The following CEP55 variants were observed in gnomAD, a reference collection of about 807,000 sequenced individuals.
CEP55 encodes centrosomal protein 55.
Under a neutral mutation model 63.2 loss-of-function variants are expected in CEP55, and 57 were observed. The ratio of observed to expected loss-of-function variants is 0.90; its 90% CI spans 0.73 to 1.13. CEP55 has a LOEUF of 1.13. Ranked by LOEUF, CEP55 falls within the 50% of genes most tolerant of loss-of-function variation. The pLI is 0.00. For synonymous variants in CEP55, 178 were observed against 191.6 expected (o/e 0.93, Z 0.59); for missense variants, 456 against 518.9 (o/e 0.88, Z 1.18).
chr10:93,505,362 C>G (rs890927546), intron 3 of CEP55, among the ~76,000 whole-genome samples: 4 of 152,150 alleles, frequency 2.6e-5, no homozygotes, highest in African/African-American at 9.7e-5. Context: ...TAGGGTCCCC[C>G]ACCAAGTCCT....
At position 93,527,956 on chromosome 10, in the gene CEP55, C is replaced by A. The variant is rs1354098772; in HGVS notation, c.1198C>A (p.Leu400Ile). 2.5e-6 allele frequency: 4 copies of A among 1,613,108 alleles called. No individual in the cohort carries two copies. The highest frequency in any genetic ancestry group is 3.4e-6 in the Non-Finnish European group (4 of 1,179,576). ...QITQLESLKQ[L>I]HEFAITEPLV... ...TTTGAAACTTATTTTTCAGAAACAG[C>A]TTCATGAGTTTGCCATCACAGAGCC... The change falls in exon 9 of 9, where the codon CTT (leucine) becomes ATT (isoleucine). Residue 400 changes from leucine (L) to isoleucine (I), a missense_variant. Transcript: ENST00000371485.
chr10:93,503,661 A>AT (rs927373456), intron 3 of CEP55, among the ~76,000 whole-genome samples: 1 of 151,978 alleles, frequency 6.6e-6, no homozygotes, highest in Non-Finnish European at 1.5e-5. Context: ...AATTACCAAG[A>AT]TTTTTTTTGA....
At chr10:93,518,352 G>T (rs1012914795) in intron 6 of CEP55, among the ~76,000 whole-genome samples, 3 of 152,034 alleles carry the variant, frequency 2.0e-5, no homozygotes, top group Non-Finnish European at 4.4e-5. Context: ...GTTTCACCAT[G>T]TTGGCCAGGC....
intron 6 of CEP55, among the ~76,000 whole-genome samples, chr10:93,517,635 C>T (rs561888633): frequency 2.0e-5 from 3 of 152,178 alleles, no homozygotes; most frequent in African/African-American, 4.8e-5. Context: ...TGAGAGGAAT[C>T]GAGGCTGATT....
At chr10:93,506,207 G>T (rs1161763709) in intron 3 of CEP55, among the ~76,000 whole-genome samples, 1 of 152,116 alleles carries the variant, frequency 6.6e-6, no homozygotes, top group African/African-American at 2.4e-5. Context: ...CTCCCAAAGT[G>T]TTGGGATTAT....
chr10:93,510,452 AC>A (rs1337737254), intron 4 of CEP55: 7 of 152,186 alleles, frequency 4.6e-5, no homozygotes, highest in Non-Finnish European at 8.8e-5. Flanking sequence ...TTAACATGTT[AC>A]CCCATTTTGC....
Position 93,516,944 on chromosome 10 carries a change from A to G in CEP55, c.689A>G (p.Gln230Arg). 6.3e-7 allele frequency: 1 copy of G among 1,577,980 alleles called. No homozygotes were observed. The highest frequency in any genetic ancestry group is 8.6e-7 in the Non-Finnish European group (1 of 1,159,844). Reference protein sequence around the residue: ...TKKPESEGYLQEEKQKCYNDL... With the variant: ...TKKPESEGYLREEKQKCYNDL... ...ATGTTGTTTGTCATAGGTTATCTTC[A>G]AGAAGAGAAGCAGAAATGTTACAAC... Residue 230 changes from glutamine to arginine, a missense_variant, in exon 6 of 9, where the codon CAA becomes CGA. Transcript: ENST00000371485.
chr10:93,500,262 G>C, intron 2 of CEP55, 28 bp downstream of exon 2: 2 of 1,560,756 alleles, frequency 1.3e-6, no homozygotes, highest in Non-Finnish European at 1.7e-6. Flanking sequence ...CCTTTAAATT[G>C]TAAGCTCTCC....
Position 93,529,050 on chromosome 10 carries a change from G to A in CEP55, c.*897G>A, listed in dbSNP as rs528288559. On this transcript the variant is annotated 3_prime_UTR_variant, in exon 9 of 9. Transcript: ENST00000371485. ...GGTTTTCTAACATGCTTACCACTGG[G>A]CTACTGTAAATGAGAAAAGAATAAA... 40 of 152,038 alleles carry A rather than the reference G, an allele frequency of 2.6e-4. No homozygotes were observed. Among genetic ancestry groups the A allele is most frequent in the African/African-American group, 9.2e-4 (38 of 41,480 alleles). 9.4% of individuals were successfully genotyped at this position (152,038 alleles called of 1,614,324 possible). A position where few individuals can be genotyped will look rare whatever the true frequency, so the allele number is the denominator to read the frequency against.
intron 7 of CEP55, among the ~76,000 whole-genome samples, chr10:93,519,325 A>G (rs1188861908): frequency 6.6e-6 from 1 of 152,212 alleles, no homozygotes; most frequent in Non-Finnish European, 1.5e-5. Context: ...AGAATGTATT[A>G]TAAATGGTGT....
intron 4 of CEP55, among the ~76,000 whole-genome samples, chr10:93,512,244 G>T (rs571223233): frequency 1.9e-3 from 94 of 49,038 alleles, no homozygotes; most frequent in African/African-American, 5.9e-3. Context: ...AAAAAAATTG[G>T]CCGGGCTCAG....
chr10:93,506,716 G>A (rs1041584149), intron 3 of CEP55, among the ~76,000 whole-genome samples: 5 of 152,006 alleles, frequency 3.3e-5, no homozygotes, highest in African/African-American at 9.7e-5. Flanking sequence ...TATAGGCACA[G>A]GCCACCAGGC....
intron 5 of CEP55, among the ~76,000 whole-genome samples, chr10:93,516,455 TTCTCTCTCTC>T (rs147558880): frequency 6.7e-6 from 1 of 149,656 alleles, no homozygotes; most frequent in Admixed American, 6.7e-5. Context: ...GGTAATACAG[TTCTCTCTCTC>T]TCTCTCTCTC....
At chr10:93,504,403 G>T (rs1203720559) in intron 3 of CEP55, among the ~76,000 whole-genome samples, 3 of 152,018 alleles carry the variant, frequency 2.0e-5, no homozygotes, top group Non-Finnish European at 4.4e-5. Flanking sequence ...AACCCGAAAG[G>T]TGGAGGTTGC....
chr10:93,504,508 A>T (rs1038163578), intron 3 of CEP55, among the ~76,000 whole-genome samples: 1 of 151,836 alleles, frequency 6.6e-6, no homozygotes, highest in African/African-American at 2.4e-5. Flanking sequence ...GAAAATCTGT[A>T]GCTTTCAAAT....
In CEP55 at chr10:93,528,052, G is replaced by C; in HGVS notation, c.1294G>C (p.Ala432Pro). ...CGCCTCACCAAAAAGTCCCACTGCT[G>C]CACTCAATGAAAGCCTGGTGGAATG... ...VAASPKSPTAALNESLVECPK... is the reference protein window; with the variant it reads ...VAASPKSPTAPLNESLVECPK... The change falls in exon 9 of 9, where the codon GCA becomes CCA. Residue 432 changes from alanine (A) to proline (P), a missense_variant. By Grantham distance (27) the Ala-to-Pro change is conservative (BLOSUM62 -1). Coordinates refer to ENST00000371485, the MANE Select transcript of CEP55 (RefSeq NM_018131.5). 6.2e-7 allele frequency: 1 copy of C among 1,614,004 alleles called. No homozygotes were observed. Among genetic ancestry groups the C allele is most frequent in the Non-Finnish European group, 8.5e-7 (1 of 1,179,944 alleles).
rs1009595131 is a variant in CEP55, at chr10:93,522,534, C to A, written c.1191+2727C>A. On this transcript the variant is annotated intron_variant, in intron 8 of 8. Transcript: ENST00000371485. The stretch of plus-strand genomic sequence containing the variant: ...CTCTGCAGGATATTATCCAGGAGAA[C>A]TTCCCCAGTCTAGCAAGGCAGGCCA... Among the ~76,000 whole-genome samples the A allele has an allele frequency of 2.0e-5, 3 of 152,176 alleles. No individual in the cohort carries two copies. The East Asian group carries it at 5.8e-4, about 29-fold the overall frequency.
intron 4 of CEP55, among the ~76,000 whole-genome samples, chr10:93,512,527 A>G (rs1220309320): frequency 6.6e-6 from 1 of 152,052 alleles, no homozygotes; most frequent in African/African-American, 2.4e-5. Context: ...AAAAAAAAAA[A>G]AAAAAAAAAA....
chr10:93,517,544 A>G (rs144572216), intron 6 of CEP55, among the ~76,000 whole-genome samples: 45 of 152,316 alleles, frequency 3.0e-4, no homozygotes, highest in Admixed American at 8.5e-4. Context: ...TTTCCTCTCA[A>G]TGGAGGAAAT....
Sources: allele counts gnomAD v4.1 joint callset (sites outside exome capture counted in the v4.1 genomes callset), GRCh38; gene constraint gnomAD v4.1.1; transcripts MANE v1.5; gene names NCBI Gene and HGNC (gene_info 2026-07-23, HGNC 2026-07-21).